Variants in COL5A2 observed in about 807,000 individuals in gnomAD.
COL5A2 encodes collagen type V alpha 2 chain, also known as collagen alpha-2(V) chain.
In COL5A2, 23 loss-of-function variants were observed where a neutral mutation model predicts 208.2. The observed-to-expected ratio is 0.11, with a 90% CI of 0.08 to 0.16. The LOEUF (loss-of-function observed/expected upper bound fraction) is 0.16, where lower values mean the gene tolerates loss of function less well. COL5A2 is among the 10% of genes least tolerant of loss of function. COL5A2 has a pLI of 1.00. For synonymous variants in COL5A2, 625 were observed against 628.5 expected (o/e 0.99, Z 0.08); for missense variants, 1,590 against 1,956.4 (o/e 0.81, Z 3.53).
chr2:189,307,990 T>C, the COL5A2 span, among the ~76,000 whole-genome samples: 1 of 152,178 alleles, frequency 6.6e-6, no homozygotes, highest in Non-Finnish European at 1.5e-5. Flanking sequence ...ACTTTCTTAA[T>C]AAACTCGCTT....
At chr2:189,104,759 C>A (rs773622879) in intron 2 of COL5A2, among the ~76,000 whole-genome samples, 6 of 151,624 alleles carry the variant, frequency 4.0e-5, no homozygotes, top group Non-Finnish European at 7.4e-5. Context: ...ATTGGTTTCT[C>A]GTATGTTGTT....
intron 51 of COL5A2, among the ~76,000 whole-genome samples, chr2:189,038,256 T>A (rs1478974122): frequency 6.6e-6 from 1 of 152,150 alleles, no homozygotes; most frequent in Non-Finnish European, 1.5e-5. Flanking sequence ...TCATTAGCTC[T>A]TACTTATAAA....
intron 7 of COL5A2, 126 bp downstream of exon 7, chr2:189,092,184 G>T: frequency 1.4e-6 from 1 of 728,214 alleles, no homozygotes; most frequent in South Asian, 1.5e-5. Context: ...TAGCAGTGTT[G>T]ACCTTATTTA....
At chr2:189,400,433 T>C in the COL5A2 span, among the ~76,000 whole-genome samples, 1 of 152,192 alleles carries the variant, frequency 6.6e-6, no homozygotes, top group Admixed American at 6.5e-5. Context: ...ATACCAAATA[T>C]TCCATTAAGC....
chr2:189,207,708 T>C (rs2105864084), intron 1 of COL5A2, among the ~76,000 whole-genome samples: 1 of 152,286 alleles, frequency 6.6e-6, no homozygotes, highest in Middle Eastern at 3.4e-3. Flanking sequence ...TTCACTCTAC[T>C]CCACTTAGCA....
the COL5A2 span, among the ~76,000 whole-genome samples, chr2:189,430,985 G>C: frequency 6.6e-6 from 1 of 152,188 alleles, no homozygotes; most frequent in African/African-American, 2.4e-5. Context: ...GGAAGGATCA[G>C]GCAGCAATAT....
intron 1 of COL5A2, among the ~76,000 whole-genome samples, chr2:189,176,092 C>T (rs868365452): frequency 1.4e-4 from 21 of 151,996 alleles, no homozygotes; most frequent in African/African-American, 3.1e-4. Flanking sequence ...ATTTTTGTAT[C>T]GTAACAATGA....
At chr2:189,188,891 T>C (rs78873978) in intron 1 of COL5A2, among the ~76,000 whole-genome samples, 12 of 152,186 alleles carry the variant, frequency 7.9e-5, no homozygotes, top group African/African-American at 2.7e-4. Context: ...AAGTGATATA[T>C]TTTTTTCATA....
intron 1 of COL5A2, among the ~76,000 whole-genome samples, chr2:189,178,868 T>C (rs1158083849): frequency 1.3e-5 from 2 of 152,054 alleles, no homozygotes; most frequent in African/African-American, 4.8e-5. Flanking sequence ...GGTGGGAAAA[T>C]ACCACTGTTT....
intron 1 of COL5A2, among the ~76,000 whole-genome samples, chr2:189,190,037 A>G (rs1351476066): frequency 1.3e-5 from 2 of 152,190 alleles, no homozygotes; most frequent in African/African-American, 4.8e-5. Context: ...AAATTATTGC[A>G]TCTACATAAA....
At chr2:189,168,104 A>G (rs1226484666) in intron 1 of COL5A2, among the ~76,000 whole-genome samples, 2 of 151,660 alleles carry the variant, frequency 1.3e-5, no homozygotes, top group African/African-American at 4.8e-5. Context: ...CGCCTGGCTA[A>G]ATTTTTTGTA....
chr2:189,307,881 C>T, the COL5A2 span, among the ~76,000 whole-genome samples: 9 of 152,168 alleles, frequency 5.9e-5, no homozygotes, highest in South Asian at 2.1e-4. Context: ...CTTTTTTATC[C>T]TGTACATAAA....
the COL5A2 span, among the ~76,000 whole-genome samples, chr2:189,384,049 C>T: frequency 6.6e-6 from 1 of 152,036 alleles, no homozygotes; most frequent in East Asian, 1.9e-4. Flanking sequence ...TAACATAATG[C>T]TCTCCATTTC....
At chr2:189,084,949 C>G (rs1686619743) in intron 11 of COL5A2, among the ~76,000 whole-genome samples, 1 of 152,134 alleles carries the variant, frequency 6.6e-6, no homozygotes. Flanking sequence ...CAGGAAGAGA[C>G]AGTAGTACCT....
Position 189,098,033 on chromosome 2 carries a change from T to TCC in COL5A2, c.402+693_402+694insGG, listed in dbSNP as rs372659921. 2.6e-5 allele frequency among the ~76,000 whole-genome samples: 3 copies of TCC among 115,016 alleles called. No individual in the cohort carries two copies. The East Asian group carries it at 7.1e-4, about 27-fold the overall frequency. The allele number at this position is 115,016 out of a possible 152,430, so 75.5% of individuals were successfully genotyped here. A position where few individuals can be genotyped will look rare whatever the true frequency, so the allele number is the denominator to read the frequency against. On this transcript the variant is annotated intron_variant, in intron 5 of 53. Transcript: ENST00000374866. ...TATTGTGCTGATATCTTAAAATGTT[T>TCC]TTCCCCCCCTGGGAAATGGCTGTTG...
the COL5A2 span, among the ~76,000 whole-genome samples, chr2:189,382,472 C>T: frequency 6.6e-6 from 1 of 152,060 alleles, no homozygotes; most frequent in African/African-American, 2.4e-5. Context: ...ATATTAAAAT[C>T]CCACCTTTGT....
At chr2:189,148,949 G>A (rs932071128) in intron 1 of COL5A2, among the ~76,000 whole-genome samples, 4 of 152,236 alleles carry the variant, frequency 2.6e-5, no homozygotes, top group Non-Finnish European at 4.4e-5. Flanking sequence ...AGACCAGCTT[G>A]ACCAACATGG....
intron 1 of COL5A2, among the ~76,000 whole-genome samples, chr2:189,130,694 T>G (rs1687692437): frequency 6.6e-6 from 1 of 151,936 alleles, no homozygotes; most frequent in Non-Finnish European, 1.5e-5. Flanking sequence ...TAGTATCTCT[T>G]CTACACAGAT....
At chr2:189,298,021 T>C in the COL5A2 span, among the ~76,000 whole-genome samples, 3 of 152,216 alleles carry the variant, frequency 2.0e-5, no homozygotes, top group Non-Finnish European at 4.4e-5. Context: ...AAACTCAATC[T>C]AAACTTTCTT....
Sources: gnomAD v4.1 joint callset for allele counts (sites outside exome capture counted in the v4.1 genomes callset) on GRCh38, gnomAD v4.1.1 for gene constraint, MANE v1.5 for transcripts, NCBI Gene and HGNC (gene_info 2026-07-23, HGNC 2026-07-21) for gene names.